SPECC1: variants seen among roughly 807,000 people sequenced by gnomAD.
The protein encoded by SPECC1 is sperm antigen with calponin homology and coiled-coil domains 1, also known as cytospin-B.
Under a neutral mutation model 104.1 loss-of-function variants are expected in SPECC1, and 62 were observed. The ratio of observed to expected loss-of-function variants is 0.60; its 90% CI spans 0.49 to 0.74. The LOEUF is 0.74. Among genes scored for constraint, SPECC1 ranks in the 30% least tolerant of loss-of-function variants. SPECC1 has a pLI of 0.00. For missense variants in SPECC1, 1,306 were observed against 1,310.5 expected (o/e 1.00, Z 0.05); for synonymous variants, 513 against 501.6 (o/e 1.02, Z -0.30).
intron 9 of SPECC1, among the ~76,000 whole-genome samples, chr17:20,252,831 G>C (rs2039682533): frequency 1.3e-5 from 2 of 152,204 alleles, no homozygotes; most frequent in African/African-American, 2.4e-5. Context: ...ATGAGCAAGA[G>C]AGTGCAAGTA....
chr17:20,157,545 T>C (rs572289781), intron 3 of SPECC1, among the ~76,000 whole-genome samples: 181 of 152,324 alleles, frequency 1.2e-3, no homozygotes, highest in Middle Eastern at 3.4e-3. Context: ...GGTAACATTT[T>C]AAAAACACTT....
intron 13 of SPECC1, among the ~76,000 whole-genome samples, chr17:20,302,185 C>T (rs1333879943): frequency 1.3e-5 from 2 of 152,218 alleles, no homozygotes; most frequent in African/African-American, 2.4e-5. Flanking sequence ...TTTCTCCCGT[C>T]GGTTTTGAGT....
intron 1 of SPECC1, among the ~76,000 whole-genome samples, chr17:20,028,263 A>G (rs1384596213): frequency 8.9e-6 from 1 of 111,920 alleles, no homozygotes; most frequent in African/African-American, 3.4e-5. Context: ...GGAGGGTCCA[A>G]CTTCATTTTT....
At chr17:20,257,874 AGTG>A (rs915283862) in intron 11 of SPECC1, among the ~76,000 whole-genome samples, 1 of 152,226 alleles carries the variant, frequency 6.6e-6, no homozygotes, top group African/African-American at 2.4e-5. Flanking sequence ...TCTAGAGAGA[AGTG>A]GTGTTTCTGC....
In SPECC1 at chr17:20,254,987, A is replaced by G. The variant is rs182911515; in HGVS notation, c.2680+1401A>G. 1.8e-4 allele frequency among the ~76,000 whole-genome samples: 27 copies of G among 152,288 alleles called. 1 individual carries two copies. The East Asian group carries it at 5.0e-3, about 28-fold the overall frequency. On this transcript the variant is annotated intron_variant, in intron 10 of 14. Coordinates refer to ENST00000395527, the MANE Select transcript of SPECC1 (RefSeq NM_001243439.2). Reference sequence around the variant, plus strand: ...ATTCCTCGAGTTTTACATGGGAGAGATTCAAGCCCTACAGAAATTGAGTGA... The same window carrying G: ...ATTCCTCGAGTTTTACATGGGAGAGGTTCAAGCCCTACAGAAATTGAGTGA...
intron 14 of SPECC1, among the ~76,000 whole-genome samples, chr17:20,309,938 C>T (rs974123221): frequency 6.6e-6 from 1 of 151,726 alleles, no homozygotes; most frequent in Non-Finnish European, 1.5e-5. Context: ...CTGCCTCAGC[C>T]TCCTGAGTAG....
intron 7 of SPECC1, among the ~76,000 whole-genome samples, chr17:20,236,607 C>G (rs1480229136): frequency 0.012 from 1,166 of 97,532 alleles, 17 homozygotes; most frequent in African/African-American, 0.063. Flanking sequence ...CAGTTCTTTG[C>G]TGGAGAAGTT....
intron 2 of SPECC1, among the ~76,000 whole-genome samples, chr17:20,101,878 T>C (rs2047962203): frequency 6.6e-6 from 1 of 152,228 alleles, no homozygotes; most frequent in Non-Finnish European, 1.5e-5. Flanking sequence ...GATTATGTTA[T>C]GTCTGATGAT....
chr17:20,181,032 A>G (rs2034846967), intron 3 of SPECC1, among the ~76,000 whole-genome samples: 1 of 152,188 alleles, frequency 6.6e-6, no homozygotes, highest in Non-Finnish European at 1.5e-5. Context: ...CAACAACAAC[A>G]AAAACTACCT....
intron 12 of SPECC1, among the ~76,000 whole-genome samples, chr17:20,282,233 C>A (rs1402698437): frequency 6.6e-6 from 1 of 152,228 alleles, no homozygotes; most frequent in African/African-American, 2.4e-5. Context: ...TGTGTATCTT[C>A]TGTGATTCTG....
intron 3 of SPECC1, among the ~76,000 whole-genome samples, chr17:20,163,674 C>G (rs1166521398): frequency 1.3e-5 from 2 of 151,664 alleles, no homozygotes; most frequent in Non-Finnish European, 2.9e-5. Flanking sequence ...GGTCCTCTCA[C>G]TGCAGCCTCC....
intron 2 of SPECC1, among the ~76,000 whole-genome samples, chr17:20,106,444 G>T (rs999251787): frequency 6.6e-6 from 1 of 152,166 alleles, no homozygotes; most frequent in Non-Finnish European, 1.5e-5. Flanking sequence ...GTAACTTCTG[G>T]ATTAACTCAA....
intron 13 of SPECC1, among the ~76,000 whole-genome samples, chr17:20,302,087 A>G (rs1321300430): frequency 1.3e-5 from 2 of 152,224 alleles, no homozygotes; most frequent in Non-Finnish European, 2.9e-5. Flanking sequence ...GTCCAGACGG[A>G]CTCAGGTAGT....
At position 20,204,522 on chromosome 17, in the gene SPECC1, A is replaced by G; in HGVS notation, c.473A>G (p.Asn158Ser). The change falls in exon 4 of 15, where the codon AAT becomes AGT. Residue 158 changes from asparagine to serine, a missense_variant. Asn to Ser is a conservative substitution (Grantham distance 46). Transcript: ENST00000395527. ...RTPSTKPKQE[N>S]EGGEKAALES... ...CCTTCCACAAAGCCCAAGCAAGAGA[A>G]TGAAGGTGGAGAAAAGGCTGCGCTT... 6.2e-7 allele frequency: 1 copy of G among 1,614,174 alleles called. No individual in the cohort carries two copies. Among genetic ancestry groups the G allele is most frequent in the Non-Finnish European group, 8.5e-7 (1 of 1,180,024 alleles).
intron 13 of SPECC1, among the ~76,000 whole-genome samples, chr17:20,299,274 C>G (rs528620331): frequency 6.6e-6 from 1 of 151,994 alleles, no homozygotes; most frequent in South Asian, 2.1e-4. Flanking sequence ...TAAACTTGGG[C>G]CATGTGTGGG....
At chr17:20,299,867 A>G (rs777391748) in intron 13 of SPECC1, among the ~76,000 whole-genome samples, 3 of 152,040 alleles carry the variant, frequency 2.0e-5, no homozygotes, top group Non-Finnish European at 4.4e-5. Context: ...TGGATGGGAG[A>G]GCAGAGCTTG....
At chr17:20,037,756 A>G (rs761873061) in intron 1 of SPECC1, among the ~76,000 whole-genome samples, 2 of 152,170 alleles carry the variant, frequency 1.3e-5, no homozygotes, top group Non-Finnish European at 2.9e-5. Context: ...TTAAATCCTT[A>G]TTCTTCAAAC....
At chr17:20,224,060 C>T (rs985995661) in intron 4 of SPECC1, among the ~76,000 whole-genome samples, 4 of 152,318 alleles carry the variant, frequency 2.6e-5, no homozygotes, top group Non-Finnish European at 4.4e-5. Flanking sequence ...CATTAGGGGG[C>T]ACCACAAGCC....
At chr17:20,231,008 G>A (rs142505597) in intron 5 of SPECC1, among the ~76,000 whole-genome samples, 156 of 152,284 alleles carry the variant, frequency 1.0e-3, no homozygotes, top group Non-Finnish European at 1.6e-3. Flanking sequence ...CTCTAGGTTA[G>A]AGCATGAGGA....
Sources: gnomAD v4.1 joint callset for allele counts (sites outside exome capture counted in the v4.1 genomes callset) on GRCh38, gnomAD v4.1.1 for gene constraint, MANE v1.5 for transcripts, NCBI Gene and HGNC (gene_info 2026-07-23, HGNC 2026-07-21) for gene names.